Variants in STK32C observed in about 807,000 individuals in gnomAD.
STK32C encodes the protein serine/threonine-protein kinase 32C.
A neutral mutation model predicts 56.5 loss-of-function variants in STK32C; 31 were observed. That is an observed-to-expected ratio of 0.55 (90% CI 0.41 to 0.74). STK32C has a LOEUF of 0.74. Ranked by LOEUF, STK32C falls within the 30% of genes least tolerant of loss-of-function variation. The pLI is 0.00. For missense variants in STK32C, 544 were observed against 676.9 expected, an observed-to-expected ratio of 0.80 and a Z score of 2.18; for synonymous variants, 309 against 289.4, an observed-to-expected ratio of 1.07 and a Z score of -0.69.
chr10:132,299,670 T>A (rs937519237), intron 1 of STK32C, among the ~76,000 whole-genome samples: 3 of 152,236 alleles, frequency 2.0e-5, no homozygotes, highest in Non-Finnish European at 2.9e-5. Flanking sequence ...CACTAGGCCC[T>A]GTCCAAATTC....
At chr10:132,260,381 C>T (rs1336620831) in intron 1 of STK32C, among the ~76,000 whole-genome samples, 6 of 152,118 alleles carry the variant, frequency 3.9e-5, no homozygotes, top group Non-Finnish European at 7.4e-5. Flanking sequence ...GAGGCCAAGC[C>T]GGAGCCAGCG....
rs149955231 is a variant in STK32C, at chr10:132,253,498, C to CGAGGGAGCT, written c.263-7552_263-7544dup. Reference sequence around the variant, plus strand: ...GGGAGTCGAGGGAGCTGGAGGGAGTCGAGGGAGCTGAGGGAGCTGAGGGAG... The same window carrying CGAGGGAGCT: ...GGGAGTCGAGGGAGCTGGAGGGAGTCGAGGGAGCTGAGGGAGCTGAGGGAGCTGAGGGAG... On this transcript the variant is annotated intron_variant, in intron 1 of 11. Transcript: ENST00000298630. 1.4e-3 allele frequency among the ~76,000 whole-genome samples: 113 copies of CGAGGGAGCT among 81,022 alleles called. 1 individual carries two copies. The South Asian group carries it at 0.042, about 30-fold the overall frequency. 53.2% of individuals were successfully genotyped at this position (81,022 alleles called of 152,430 possible).
At chr10:132,331,368 C>A (rs1188863331) in intron 1 of STK32C, 1 of 1,503,840 alleles carries the variant, frequency 6.6e-7, no homozygotes, top group African/African-American at 1.4e-5. Flanking sequence ...CACGCGAGCA[C>A]CTCCCCTCCC....
chr10:132,252,145 C>T (rs996585225), intron 1 of STK32C, among the ~76,000 whole-genome samples: 16 of 152,268 alleles, frequency 1.1e-4, no homozygotes, highest in Non-Finnish European at 1.5e-4. Context: ...AGGGACATGG[C>T]GGCCTGCTAA....
At chr10:132,227,314 C>T (rs914231482) in intron 3 of STK32C, among the ~76,000 whole-genome samples, 8 of 152,232 alleles carry the variant, frequency 5.3e-5, no homozygotes, top group South Asian at 2.1e-4. Context: ...ACATTTGCCT[C>T]GGAGGGTTGT....
At chr10:132,218,649 A>G (rs1198999002) in intron 10 of STK32C, among the ~76,000 whole-genome samples, 1 of 152,230 alleles carries the variant, frequency 6.6e-6, no homozygotes, top group Non-Finnish European at 1.5e-5. Flanking sequence ...TGTTTCCTCC[A>G]AACATGAAGC....
chr10:132,281,307 A>G (rs1374217267), intron 1 of STK32C, among the ~76,000 whole-genome samples: 2 of 151,438 alleles, frequency 1.3e-5, no homozygotes, highest in Non-Finnish European at 2.9e-5. Context: ...TTTGTTGGCA[A>G]TAGGGGTTAT....
chr10:132,222,915 G>A lies in STK32C; in HGVS notation c.1065C>T (p.Gly355=), dbSNP rs752530760. ...QDVQAAPALA[G]VLWDHLSEKR... ...TCTCGCTCAGGTGGTCCCACAGCAC[G>A]CCGGCCAGCGCCGGGGCTGCCTGCA... Residue 355 remains glycine, a synonymous_variant, in exon 9 of 12, where the codon GGC becomes GGT. Transcript: ENST00000298630. 3.3e-5 allele frequency: 52 copies of A among 1,559,520 alleles called. No individual in the cohort carries two copies. The Middle Eastern group carries it at 8.9e-4, about 27-fold the overall frequency.
At chr10:132,227,400 A>G (rs933165514) in intron 3 of STK32C, among the ~76,000 whole-genome samples, 1 of 152,188 alleles carries the variant, frequency 6.6e-6, no homozygotes, top group Non-Finnish European at 1.5e-5. Context: ...ACCAGCATCC[A>G]TGGTGTTGAC....
At chr10:132,253,337 G>A (rs2063973579) in intron 1 of STK32C, among the ~76,000 whole-genome samples, 1 of 151,922 alleles carries the variant, frequency 6.6e-6, no homozygotes, top group Non-Finnish European at 1.5e-5. Flanking sequence ...AGAGGGAGCT[G>A]GAGGGAGCCG....
chr10:132,208,962 C>T, intron 11 of STK32C, 72 bp downstream of exon 11: 1 of 1,480,924 alleles, frequency 6.8e-7, no homozygotes. Flanking sequence ...CTCACGTGGC[C>T]AAGAAAACCT....
At chr10:132,325,604 G>A (rs570552466) in intron 1 of STK32C, among the ~76,000 whole-genome samples, 16 of 151,850 alleles carry the variant, frequency 1.1e-4, no homozygotes, top group African/African-American at 3.4e-4. Context: ...GCTGCCATCC[G>A]GGTAAGACGC....
At chr10:132,320,096 A>C (rs1410555296), downstream of STK32C, among the ~76,000 whole-genome samples, 1 of 152,146 alleles carries the variant, frequency 6.6e-6, no homozygotes, top group Non-Finnish European at 1.5e-5. Context: ...AAAGCCAAGA[A>C]AAACTAGATG....
chr10:132,287,468 G>A (rs955647630), intron 1 of STK32C, among the ~76,000 whole-genome samples: 4 of 151,096 alleles, frequency 2.6e-5, no homozygotes, highest in African/African-American at 9.7e-5. Flanking sequence ...CTCCAGCCTG[G>A]GCGACAGAGC....
At chr10:132,317,908 G>A (rs1234032985) in intron 1 of STK32C, among the ~76,000 whole-genome samples, 1 of 146,610 alleles carries the variant, frequency 6.8e-6, no homozygotes, top group Non-Finnish European at 1.5e-5. Context: ...AACCCAGGAG[G>A]CAAAGGTTGC....
At chr10:132,228,247 G>T (rs945942362) in intron 2 of STK32C, 119 bp from the exon 3 acceptor site, 2 of 1,334,666 alleles carry the variant, frequency 1.5e-6, no homozygotes. Context: ...GGACACCTGG[G>T]GACGCGCCGC....
At chr10:132,231,952 G>A (rs931619832) in intron 2 of STK32C, among the ~76,000 whole-genome samples, 2 of 152,248 alleles carry the variant, frequency 1.3e-5, no homozygotes, top group East Asian at 3.8e-4. Flanking sequence ...AGGACTACAA[G>A]AGAAACTTCT....
chr10:132,328,364 C>A, intron 1 of STK32C, among the ~76,000 whole-genome samples: 1 of 152,076 alleles, frequency 6.6e-6, no homozygotes, highest in East Asian at 1.9e-4. Context: ...GTCGGCTGAT[C>A]TGTGGAGTGC....
intron 1 of STK32C, among the ~76,000 whole-genome samples, chr10:132,286,211 C>G (rs1039693515): frequency 6.6e-6 from 1 of 151,626 alleles, no homozygotes; most frequent in Non-Finnish European, 1.5e-5. Context: ...CCTTGAAAGA[C>G]ACAAATTATC....
Sources: gnomAD v4.1 joint callset for allele counts (sites outside exome capture counted in the v4.1 genomes callset) on GRCh38, gnomAD v4.1.1 for gene constraint, MANE v1.5 for transcripts, NCBI Gene and HGNC (gene_info 2026-07-23, HGNC 2026-07-21) for gene names.